CDH1: variants seen among roughly 807,000 people sequenced by gnomAD.
CDH1 encodes the protein cadherin 1.
Under a neutral mutation model 84.5 loss-of-function variants are expected in CDH1, and 35 were observed. The ratio of observed to expected loss-of-function variants is 0.41; its 90% CI spans 0.32 to 0.55. The LOEUF is 0.55. CDH1 is among the 20% of genes least tolerant of loss of function. The pLI is 0.19. For missense variants in CDH1, 994 were observed against 1,126.6 expected, an observed-to-expected ratio of 0.88 and a Z score of 1.68; for synonymous variants, 417 against 439.0, an observed-to-expected ratio of 0.95 and a Z score of 0.63.
At chr16:68,828,430 C>A in intron 14 of CDH1, 126 bp downstream of exon 14, 1 of 899,304 alleles carries the variant, frequency 1.1e-6, no homozygotes, top group East Asian at 2.6e-5. Context: ...AAGGCCTTAC[C>A]CAAGAAAGTA....
intron 2 of CDH1, among the ~76,000 whole-genome samples, chr16:68,774,941 A>C (rs1234519714): frequency 6.6e-6 from 1 of 152,136 alleles, no homozygotes; most frequent in South Asian, 2.1e-4. Flanking sequence ...CTAATTATGG[A>C]AACTTAAATA....
intron 5 of CDH1, among the ~76,000 whole-genome samples, chr16:68,809,789 G>A (rs373950402): frequency 6.6e-6 from 1 of 152,278 alleles, no homozygotes; most frequent in East Asian, 1.9e-4. Context: ...GCCTCCCAAA[G>A]TGCTGAGATT....
At chr16:68,754,725 C>T (rs1379116780) in intron 2 of CDH1, among the ~76,000 whole-genome samples, 3 of 152,310 alleles carry the variant, frequency 2.0e-5, no homozygotes, top group Non-Finnish European at 4.4e-5. Context: ...TGTCCATTCA[C>T]TTAATGAATT....
chr16:68,776,277 G>A (rs1386302435), intron 2 of CDH1, among the ~76,000 whole-genome samples: 5 of 152,152 alleles, frequency 3.3e-5, no homozygotes, highest in Non-Finnish European at 2.9e-5. Flanking sequence ...GTGAGCCACC[G>A]CACCAGGCCT....
intron 2 of CDH1, among the ~76,000 whole-genome samples, chr16:68,743,885 C>T (rs989301738): frequency 3.9e-5 from 6 of 152,194 alleles, no homozygotes; most frequent in Non-Finnish European, 8.8e-5. Flanking sequence ...GGCGGTAATA[C>T]TTATTGATCT....
intron 2 of CDH1, among the ~76,000 whole-genome samples, chr16:68,757,614 C>A (rs1297579669): frequency 6.6e-6 from 1 of 152,134 alleles, no homozygotes; most frequent in African/African-American, 2.4e-5. Context: ...CTCTTTTAGC[C>A]TATGAGCTTC....
At chr16:68,812,737 A>G (rs1350781464) in intron 8 of CDH1, among the ~76,000 whole-genome samples, 1 of 152,172 alleles carries the variant, frequency 6.6e-6, no homozygotes, top group African/African-American at 2.4e-5. Context: ...CAAGTAGGGT[A>G]AGTTTAAATC....
intron 15 of CDH1, 54 bp downstream of exon 15, chr16:68,829,851 A>T (rs2152142563): frequency 6.4e-7 from 1 of 1,569,062 alleles, no homozygotes; most frequent in Non-Finnish European, 8.7e-7. Flanking sequence ...GCTCAGGAGG[A>T]GTTGTGTCAA....
chr16:68,806,122 A>ATTTATTTATTTATT, intron 3 of CDH1, among the ~76,000 whole-genome samples: 1 of 144,532 alleles, frequency 6.9e-6, no homozygotes, highest in Admixed American at 7.0e-5. Context: ...TAATTTTTGT[A>ATTTATTTATTTATT]TATTTATTTA....
chr16:68,818,239 C>CAAAAAAAAAA (rs576537213), intron 10 of CDH1, among the ~76,000 whole-genome samples: 1 of 83,572 alleles, frequency 1.2e-5, no homozygotes, highest in African/African-American at 3.3e-5. Flanking sequence ...GACTCTGTCC[C>CAAAAAAAAAA]AAAAAAAAAA....
chr16:68,804,586 A>G (rs938297551), intron 3 of CDH1, among the ~76,000 whole-genome samples: 5 of 152,184 alleles, frequency 3.3e-5, no homozygotes, highest in African/African-American at 1.2e-4. Context: ...ATTGAGATAT[A>G]TATTGGAGAG....
chr16:68,745,062 T>G (rs1472965834), intron 2 of CDH1, among the ~76,000 whole-genome samples: 1 of 151,998 alleles, frequency 6.6e-6, no homozygotes, highest in Non-Finnish European at 1.5e-5. Context: ...TTGTTGTGGC[T>G]TAGGAAAGGG....
At chr16:68,805,455 T>G (rs1221901654) in intron 3 of CDH1, among the ~76,000 whole-genome samples, 1 of 152,236 alleles carries the variant, frequency 6.6e-6, no homozygotes, top group Non-Finnish European at 1.5e-5. Flanking sequence ...TCTGAAAATA[T>G]TCCACAGTCC....
At chr16:68,793,867 G>A (rs373565697) in intron 2 of CDH1, among the ~76,000 whole-genome samples, 3 of 147,542 alleles carry the variant, frequency 2.0e-5, no homozygotes, top group African/African-American at 5.1e-5. Flanking sequence ...GGAGGCAGAA[G>A]TTGCAGTGAA....
chr16:68,810,153 T>C, intron 5 of CDH1, 44 bp from the exon 6 acceptor site: 1 of 1,612,574 alleles, frequency 6.2e-7, no homozygotes, highest in Non-Finnish European at 8.5e-7. Flanking sequence ...TCCCATGTTT[T>C]CTTCCTCATC....
chr16:68,743,344 TTTCTTTCTTTC>T (rs1567474008), intron 2 of CDH1, among the ~76,000 whole-genome samples: 2 of 48,810 alleles, frequency 4.1e-5, no homozygotes, highest in South Asian at 1.3e-3. Flanking sequence ...TCTTTCTTTC[TTTCTTTCTTTC>T]TTTCTTTCTT....
chr16:68,815,781 C>T (rs2152135183), intron 10 of CDH1, 22 bp downstream of exon 10: 5 of 1,613,840 alleles, frequency 3.1e-6, no homozygotes, highest in Non-Finnish European at 4.2e-6. Context: ...GATTTTTCAA[C>T]TGACTTGCAG....
chr16:68,747,651 G>A (rs1044666464), intron 2 of CDH1, among the ~76,000 whole-genome samples: 3 of 152,020 alleles, frequency 2.0e-5, no homozygotes, highest in Non-Finnish European at 4.4e-5. Flanking sequence ...CTTTCTTTAT[G>A]CCAGCGTAAA....
chr16:68,746,295 T>G (rs1962742319), intron 2 of CDH1, among the ~76,000 whole-genome samples: 2 of 152,026 alleles, frequency 1.3e-5, no homozygotes, highest in African/African-American at 2.4e-5. Context: ...CGTGGTGGCA[T>G]GCTCCTGTAA....
Sources: allele counts gnomAD v4.1 joint callset (sites outside exome capture counted in the v4.1 genomes callset), GRCh38; gene constraint gnomAD v4.1.1; transcripts MANE v1.5; gene names NCBI Gene and HGNC (gene_info 2026-07-23, HGNC 2026-07-21).